Variants in XRCC4 observed in about 807,000 individuals in gnomAD.
XRCC4 encodes the protein X-ray repair cross complementing 4.
XRCC4 carries 28 observed loss-of-function variants against 39.1 expected under a neutral mutation model. That is an observed-to-expected ratio of 0.72 (90% CI 0.53 to 0.98). XRCC4 has a LOEUF of 0.98. XRCC4 is among the 50% of genes least tolerant of loss of function. The pLI is 0.00. For missense variants in XRCC4, 350 were observed against 376.4 expected, an observed-to-expected ratio of 0.93 and a Z score of 0.58; for synonymous variants, 123 against 126.4, an observed-to-expected ratio of 0.97 and a Z score of 0.18.
chr5:83,224,603 A>G (rs983168452), intron 6 of XRCC4, among the ~76,000 whole-genome samples: 2 of 152,136 alleles, frequency 1.3e-5, no homozygotes, highest in Non-Finnish European at 2.9e-5. Flanking sequence ...AATTTTACCA[A>G]TGAATTTTGT....
intron 1 of XRCC4, among the ~76,000 whole-genome samples, chr5:83,085,329 A>C (rs867321909): frequency 6.6e-5 from 10 of 152,222 alleles, no homozygotes; most frequent in African/African-American, 2.4e-4. Context: ...GAAGTTGCCA[A>C]GTTCCTGTTT....
At chr5:83,363,749 T>G in the XRCC4 span, among the ~76,000 whole-genome samples, 1 of 152,216 alleles carries the variant, frequency 6.6e-6, no homozygotes, top group African/African-American at 2.4e-5. Flanking sequence ...TAGAAGTGAT[T>G]TGGAGAGAAT....
rs771655215 is a variant in XRCC4, at chr5:83,195,899, G to A, written c.445G>A (p.Glu149Lys). Residue 149 changes from glutamate (E) to lysine (K), a missense_variant, in exon 4 of 8, where the codon GAA becomes AAA. By Grantham distance (56) the Glu-to-Lys change is moderately conservative (BLOSUM62 1). Transcript: ENST00000396027. ...AAATGAGCACCTGCAGAAAGAAAAT[G>A]AAAGGCTTCTGAGAGATTGGAATGA... ...AKNEHLQKEN[E>K]RLLRDWNDVQ... is the part of the protein sequence containing the mutation. The A allele has an allele frequency of 9.3e-6, 15 of 1,612,138 alleles. No individual in the cohort carries two copies. Among genetic ancestry groups the A allele is most frequent in the Non-Finnish European group, 1.3e-5 (15 of 1,178,906 alleles).
downstream of XRCC4, chr5:83,356,773 T>C (rs1466125332): frequency 6.6e-6 from 3 of 454,510 alleles, no homozygotes; most frequent in Non-Finnish European, 8.8e-6. Context: ...GGCACAGAAA[T>C]TGAGTTACAA....
intron 6 of XRCC4, among the ~76,000 whole-genome samples, chr5:83,211,100 A>G (rs1328948110): frequency 6.6e-6 from 1 of 152,224 alleles, no homozygotes; most frequent in Non-Finnish European, 1.5e-5. Context: ...TAAGCAAATA[A>G]GTACTTCCAA....
At chr5:83,349,369 A>T (rs1464352968) in intron 7 of XRCC4, among the ~76,000 whole-genome samples, 1 of 152,254 alleles carries the variant, frequency 6.6e-6, no homozygotes, top group Non-Finnish European at 1.5e-5. Context: ...ATTTACAAAA[A>T]GTCTAACAAT....
Position 83,240,676 on chromosome 5 carries a change from C to G in XRCC4, c.746-17854C>G, listed in dbSNP as rs1309557287. Among the ~76,000 whole-genome samples the G allele has an allele frequency of 2.0e-5, 3 of 152,042 alleles. No individual in the cohort carries two copies. In the South Asian group the frequency reaches 6.2e-4, roughly 32 times the overall value. On this transcript the variant is annotated intron_variant, in intron 6 of 7. Transcript: ENST00000396027. ...TCTGTATCCAGAGTTACAAAACACA[C>G]AAAGGTAGGTTCTGTATTCTTGTGT...
At chr5:83,194,201 C>T (rs1049696616) in intron 3 of XRCC4, among the ~76,000 whole-genome samples, 6 of 152,194 alleles carry the variant, frequency 3.9e-5, no homozygotes, top group Non-Finnish European at 7.3e-5. Flanking sequence ...CTGCCTTGGC[C>T]TCCCAAAGTG....
chr5:83,352,535 G>A (rs917934864), intron 7 of XRCC4, among the ~76,000 whole-genome samples: 2 of 152,182 alleles, frequency 1.3e-5, no homozygotes, highest in African/African-American at 2.4e-5. Flanking sequence ...ATCCATTGAA[G>A]TAGTGACTAC....
intron 4 of XRCC4, among the ~76,000 whole-genome samples, chr5:83,200,092 G>A (rs1269124501): frequency 6.6e-6 from 1 of 152,120 alleles, no homozygotes; most frequent in Non-Finnish European, 1.5e-5. Flanking sequence ...AGCTTGACAG[G>A]AAGCACGTAA....
chr5:83,224,708 C>T (rs530434220), intron 6 of XRCC4, among the ~76,000 whole-genome samples: 2 of 152,246 alleles, frequency 1.3e-5, no homozygotes, highest in Middle Eastern at 3.4e-3. Flanking sequence ...GATAAACTCT[C>T]TCAGCTTTGG....
chr5:83,126,021 G>A (rs1013971369), intron 3 of XRCC4, among the ~76,000 whole-genome samples: 2 of 147,670 alleles, frequency 1.4e-5, no homozygotes, highest in Non-Finnish European at 3.0e-5. Context: ...TGAGTTACGT[G>A]AATCTTCCAA....
At chr5:83,331,693 C>G (rs1284421027) in intron 7 of XRCC4, among the ~76,000 whole-genome samples, 2 of 151,972 alleles carry the variant, frequency 1.3e-5, no homozygotes, top group African/African-American at 4.8e-5. Flanking sequence ...GTTGTGTGGT[C>G]ACTAAACATT....
At chr5:83,146,435 G>A (rs1748456788) in intron 3 of XRCC4, among the ~76,000 whole-genome samples, 1 of 152,044 alleles carries the variant, frequency 6.6e-6, no homozygotes, top group Non-Finnish European at 1.5e-5. Flanking sequence ...TTGGTTGTGG[G>A]GTCATTAGCA....
intron 7 of XRCC4, among the ~76,000 whole-genome samples, chr5:83,340,127 C>A (rs1232689048): frequency 6.6e-6 from 1 of 152,186 alleles, no homozygotes; most frequent in Non-Finnish European, 1.5e-5. Flanking sequence ...CCTCTTCCAA[C>A]CAGCTTGGGG....
intron 7 of XRCC4, among the ~76,000 whole-genome samples, chr5:83,311,252 A>G (rs1755700603): frequency 6.6e-6 from 1 of 152,016 alleles, no homozygotes; most frequent in South Asian, 2.1e-4. Flanking sequence ...GATGGGTACA[A>G]GCACACAGTT....
At chr5:83,237,967 A>G (rs1752754424) in intron 6 of XRCC4, among the ~76,000 whole-genome samples, 1 of 152,170 alleles carries the variant, frequency 6.6e-6, no homozygotes, top group African/African-American at 2.4e-5. Context: ...CATTCCAGTA[A>G]TTAAATATGT....
chr5:83,204,019 A>G (rs1297002790), intron 5 of XRCC4, among the ~76,000 whole-genome samples: 2 of 152,174 alleles, frequency 1.3e-5, no homozygotes, highest in African/African-American at 2.4e-5. Flanking sequence ...CTGCAGAACT[A>G]CAAAAGTTGG....
At chr5:83,129,329 G>C (rs1409276149) in intron 3 of XRCC4, among the ~76,000 whole-genome samples, 1 of 151,542 alleles carries the variant, frequency 6.6e-6, no homozygotes, top group African/African-American at 2.4e-5. Flanking sequence ...TGTTCCATTG[G>C]TCTATACCTC....
Sources: allele counts gnomAD v4.1 joint callset (sites outside exome capture counted in the v4.1 genomes callset), GRCh38; gene constraint gnomAD v4.1.1; transcripts MANE v1.5; gene names NCBI Gene and HGNC (gene_info 2026-07-23, HGNC 2026-07-21).